Variants in AOPEP observed in about 807,000 individuals in gnomAD.
The protein encoded by AOPEP is aminopeptidase O.
A neutral mutation model predicts 98.1 loss-of-function variants in AOPEP; 77 were observed. That is an observed-to-expected ratio of 0.78 (90% CI 0.65 to 0.95). The LOEUF (loss-of-function observed/expected upper bound fraction) is 0.95, where lower values mean the gene tolerates loss of function less well. Among genes scored for constraint, AOPEP ranks in the 40% least tolerant of loss-of-function variants. The pLI is 0.00. For missense variants in AOPEP, 1,024 were observed against 1,024.7 expected, an observed-to-expected ratio of 1.00 and a Z score of 0.01; for synonymous variants, 346 against 365.3, an observed-to-expected ratio of 0.95 and a Z score of 0.60.
chr9:95,028,913 G>A (rs749295439), intron 13 of AOPEP, among the ~76,000 whole-genome samples: 1 of 152,160 alleles, frequency 6.6e-6, no homozygotes, highest in Non-Finnish European at 1.5e-5. Flanking sequence ...AGAATTCCGC[G>A]AGAGCCATTG....
rs561607479 is a variant in AOPEP at position 94,952,474 on chromosome 9, A to G, written c.1662-2703A>G. 2.0e-5 allele frequency among the ~76,000 whole-genome samples: 3 copies of G among 152,276 alleles called. No homozygotes were observed. The East Asian group carries it at 5.8e-4, about 29-fold the overall frequency. ...CCATTATTCTGATCTCTATCCCCAT[A>G]GGTCAGTTTTGCCTGTTCTTGGATT... is the stretch of plus-strand genomic sequence containing the variant. On this transcript the variant is annotated intron_variant, in intron 7 of 16. Coordinates refer to ENST00000375315, the MANE Select transcript of AOPEP (RefSeq NM_001193329.3).
At chr9:94,958,306 T>C (rs1368117323) in intron 9 of AOPEP, among the ~76,000 whole-genome samples, 1 of 152,190 alleles carries the variant, frequency 6.6e-6, no homozygotes, top group Admixed American at 6.5e-5. Context: ...AACATTTGCA[T>C]TTTTTTCATC....
the AOPEP span, among the ~76,000 whole-genome samples, chr9:95,122,439 A>G: frequency 2.6e-5 from 4 of 152,160 alleles, no homozygotes; most frequent in Non-Finnish European, 5.9e-5. Flanking sequence ...CTAGGAAGAG[A>G]AATAAACTAA....
At position 94,965,249 on chromosome 9, in the gene AOPEP, G is replaced by A. The variant is rs768111543; in HGVS notation, c.1873-2509G>A. 3.9e-5 allele frequency among the ~76,000 whole-genome samples: 6 copies of A among 152,150 alleles called. No individual in the cohort carries two copies. The South Asian group carries it at 8.3e-4, about 21-fold the overall frequency. ...TCAGTCAGTTTGGGGTTGTCCCCCC[G>A]CTCCCATTTTCTTTGCGTGGTCCAT... On this transcript the variant is annotated intron_variant, in intron 9 of 16. Coordinates refer to ENST00000375315, the MANE Select transcript of AOPEP (RefSeq NM_001193329.3).
At chr9:95,026,511 G>A (rs149916644) in intron 13 of AOPEP, among the ~76,000 whole-genome samples, 92 of 152,280 alleles carry the variant, frequency 6.0e-4, no homozygotes, top group African/African-American at 1.9e-3. Context: ...CATGCATGTC[G>A]CAGTGTGTAT....
chr9:94,969,699 G>A (rs1328110119), intron 10 of AOPEP, among the ~76,000 whole-genome samples: 4 of 152,312 alleles, frequency 2.6e-5, no homozygotes, highest in East Asian at 3.9e-4. Flanking sequence ...GGGCCACTGC[G>A]CCTGGCCAAC....
At chr9:94,887,896 T>G (rs1040536599) in intron 5 of AOPEP, among the ~76,000 whole-genome samples, 1 of 152,200 alleles carries the variant, frequency 6.6e-6, no homozygotes, top group African/African-American at 2.4e-5. Flanking sequence ...AAATTCAGTG[T>G]AAACACTGGA....
intron 5 of AOPEP, among the ~76,000 whole-genome samples, chr9:94,836,756 G>A (rs2041653576): frequency 1.3e-5 from 2 of 152,154 alleles, no homozygotes; most frequent in East Asian, 3.9e-4. Flanking sequence ...TTGGTGTTAT[G>A]GGTAGGAATT....
chr9:94,904,359 T>C (rs967275038), intron 5 of AOPEP: 2 of 152,200 alleles, frequency 1.3e-5, no homozygotes, highest in South Asian at 2.1e-4. Flanking sequence ...TGGGTATTAT[T>C]TGAAGCAGTT....
intron 2 of AOPEP, among the ~76,000 whole-genome samples, chr9:94,761,801 T>G (rs915262173): frequency 6.6e-6 from 1 of 152,212 alleles, no homozygotes; most frequent in Non-Finnish European, 1.5e-5. Flanking sequence ...AGTGATTTAT[T>G]TATAGAATAC....
At chr9:95,091,538 G>A (rs1422872792), downstream of AOPEP, among the ~76,000 whole-genome samples, 2 of 152,170 alleles carry the variant, frequency 1.3e-5, no homozygotes, top group African/African-American at 4.8e-5. Context: ...CACCCAAGAG[G>A]TTTGGGGGAG....
intron 11 of AOPEP, among the ~76,000 whole-genome samples, chr9:95,003,214 G>GA (rs903840768): frequency 6.6e-6 from 1 of 152,144 alleles, no homozygotes; most frequent in Non-Finnish European, 1.5e-5. Context: ...ACTGCAAAGG[G>GA]AAAAAACTTT....
intron 5 of AOPEP, among the ~76,000 whole-genome samples, chr9:94,808,079 G>T (rs1394510190): frequency 6.9e-6 from 1 of 144,608 alleles, no homozygotes; most frequent in African/African-American, 2.6e-5. Context: ...GTCTCACTCT[G>T]TTGCCCAGGC....
chr9:94,753,500 G>A (rs1836292700), intron 1 of AOPEP, among the ~76,000 whole-genome samples: 1 of 152,184 alleles, frequency 6.6e-6, no homozygotes, highest in Non-Finnish European at 1.5e-5. Context: ...TTATGAAACA[G>A]TGGAGGGGAA....
At chr9:94,752,359 TCACA>T (rs58626205) in intron 1 of AOPEP, among the ~76,000 whole-genome samples, 8,799 of 140,830 alleles carry the variant, frequency 0.062, 330 homozygotes, top group South Asian at 0.12. Context: ...TCTCTCTCTC[TCACA>T]CACACACACA....
chr9:94,847,946 G>A (rs1035940899), intron 5 of AOPEP, among the ~76,000 whole-genome samples: 4 of 152,156 alleles, frequency 2.6e-5, no homozygotes, highest in Admixed American at 6.5e-5. Context: ...AAATCTTGGC[G>A]ATAAACCACC....
At chr9:95,110,723 AAC>A in the AOPEP span, 2 of 750,106 alleles carry the variant, frequency 2.7e-6, no homozygotes, top group Non-Finnish European at 3.3e-6. Flanking sequence ...TGTCCTCTTT[AAC>A]TACTAAGATC....
In AOPEP at chr9:94,972,290, C is replaced by T. The variant is rs2059584907; in HGVS notation, c.1916+4489C>T. 6.6e-6 allele frequency among the ~76,000 whole-genome samples: 1 copy of T among 152,076 alleles called. No homozygotes were observed. The highest frequency in any genetic ancestry group is 2.1e-4 in the South Asian group (1 of 4,822). ...GCAGGAGGGCAGGTGTTTGGGGAGT[C>T]TGAATGGGGCAGAGGGAGTGAAAGG... On this transcript the variant is annotated intron_variant, in intron 10 of 16. Transcript: ENST00000375315. The surrounding 1 kb of genome is among the most constrained non-coding windows in gnomAD (Gnocchi z 4.2).
intron 5 of AOPEP, among the ~76,000 whole-genome samples, chr9:94,887,512 G>A (rs2048373111): frequency 6.6e-6 from 1 of 152,174 alleles, no homozygotes; most frequent in African/African-American, 2.4e-5. Flanking sequence ...TCTGATGCCT[G>A]TAAGATGGGG....
Sources: gnomAD v4.1 joint callset for allele counts (sites outside exome capture counted in the v4.1 genomes callset) on GRCh38, gnomAD v4.1.1 for gene constraint, Gnocchi (gnomAD v3.1) non-coding constraint, MANE v1.5 for transcripts, NCBI Gene and HGNC (gene_info 2026-07-23, HGNC 2026-07-21) for gene names.